Variants in CADM2 observed in about 807,000 individuals in gnomAD.
CADM2 encodes immunoglobulin superfamily member 4D.
A neutral mutation model predicts 49.8 loss-of-function variants in CADM2; 12 were observed. The ratio of observed to expected loss-of-function variants is 0.24; its 90% CI spans 0.15 to 0.39. The LOEUF (loss-of-function observed/expected upper bound fraction) is 0.39. Ranked by LOEUF, CADM2 falls within the 10% of genes least tolerant of loss-of-function variation. CADM2 has a pLI of 1.00. For synonymous variants in CADM2, 214 were observed against 175.4 expected (o/e 1.22, Z -1.74); for missense variants, 378 against 492.3 (o/e 0.77, Z 2.20).
intron 1 of CADM2, among the ~76,000 whole-genome samples, chr3:85,143,576 A>G (rs575474867): frequency 6.6e-6 from 1 of 152,330 alleles, no homozygotes; most frequent in South Asian, 2.1e-4. Flanking sequence ...TGTTTTTGTT[A>G]ATTGTATGCT....
At chr3:85,378,029 CA>C (rs1027309092) in intron 1 of CADM2, among the ~76,000 whole-genome samples, 3 of 151,904 alleles carry the variant, frequency 2.0e-5, no homozygotes, top group Non-Finnish European at 2.9e-5. Context: ...TTTCAGGAAT[CA>C]TTTTTTTTGC....
At chr3:85,607,890 C>CAG (rs2063577034) in intron 1 of CADM2, among the ~76,000 whole-genome samples, 1 of 151,896 alleles carries the variant, frequency 6.6e-6, no homozygotes, top group Admixed American at 6.6e-5. Flanking sequence ...CTCCTGACCT[C>CAG]GTGATCTGCT....
At chr3:85,370,111 G>C (rs893925273) in intron 1 of CADM2, among the ~76,000 whole-genome samples, 4 of 151,614 alleles carry the variant, frequency 2.6e-5, no homozygotes, top group Non-Finnish European at 5.9e-5. Context: ...TACTCAGGAG[G>C]CTGAGGCAGG....
At chr3:85,077,083 CT>C (rs1298437300) in intron 1 of CADM2, among the ~76,000 whole-genome samples, 5 of 152,136 alleles carry the variant, frequency 3.3e-5, no homozygotes, top group African/African-American at 1.2e-4. Flanking sequence ...AAATCTAAGA[CT>C]TTTAATATTG....
chr3:85,156,755 A>C (rs887516216), intron 1 of CADM2, among the ~76,000 whole-genome samples: 25 of 152,336 alleles, frequency 1.6e-4, no homozygotes, highest in Non-Finnish European at 2.6e-4. Flanking sequence ...AAAAACTGGA[A>C]GCATTCCTTT....
chr3:85,295,030 C>G (rs1327878302), intron 1 of CADM2, among the ~76,000 whole-genome samples: 1 of 152,156 alleles, frequency 6.6e-6, no homozygotes, highest in East Asian at 1.9e-4. Context: ...AAAATTTTCA[C>G]AACCTACTCA....
chr3:85,206,361 G>T (rs1272730769), intron 1 of CADM2, among the ~76,000 whole-genome samples: 2 of 145,474 alleles, frequency 1.4e-5, no homozygotes, highest in Non-Finnish European at 3.0e-5. Flanking sequence ...AGGCTGGAGT[G>T]CAGTGGCGCA....
rs962037952 is a variant in CADM2 at position 85,527,389 on chromosome 3, C to G, written c.62-199133C>G. ...AGCCTGGGCGACAGAGCAAGACACT[C>G]TCTCCAAAACAAAGAAAGAAAAAAT... On this transcript the variant is annotated intron_variant, in intron 1 of 9. Transcript: ENST00000383699. Among the ~76,000 whole-genome samples the G allele has an allele frequency of 4.8e-5, 5 of 105,070 alleles. 1 individual carries two copies. The highest frequency in any genetic ancestry group is 1.2e-4 in the Non-Finnish European group (5 of 42,310). 68.9% of individuals were successfully genotyped at this position (105,070 alleles called of 152,430 possible).
chr3:85,157,421 A>T (rs183477599), intron 1 of CADM2, among the ~76,000 whole-genome samples: 1 of 151,930 alleles, frequency 6.6e-6, no homozygotes, highest in African/African-American at 2.4e-5. Context: ...GAGGCATCAC[A>T]CTACCTGACT....
At chr3:85,305,082 A>G (rs1387953770) in intron 1 of CADM2, among the ~76,000 whole-genome samples, 1 of 151,618 alleles carries the variant, frequency 6.6e-6, no homozygotes, top group Non-Finnish European at 1.5e-5. Context: ...TTCTCTATTT[A>G]TATATGTCTT....
chr3:85,497,943 A>T (rs1267755996), intron 1 of CADM2, among the ~76,000 whole-genome samples: 1 of 151,926 alleles, frequency 6.6e-6, no homozygotes, highest in Non-Finnish European at 1.5e-5. Context: ...CATCCTCATT[A>T]TCTGTAGATT....
intron 1 of CADM2, among the ~76,000 whole-genome samples, chr3:85,570,734 C>T (rs2062451271): frequency 6.6e-6 from 1 of 152,122 alleles, no homozygotes; most frequent in Non-Finnish European, 1.5e-5. Context: ...ATTCCAGATT[C>T]TTCTATTACA....
At chr3:85,159,934 T>C (rs2040262457) in intron 1 of CADM2, among the ~76,000 whole-genome samples, 1 of 152,188 alleles carries the variant, frequency 6.6e-6, no homozygotes, top group African/African-American at 2.4e-5. Flanking sequence ...GCAAATTCCT[T>C]TTCAGAAAGC....
intron 1 of CADM2, among the ~76,000 whole-genome samples, chr3:85,130,321 G>A (rs1006540720): frequency 6.6e-6 from 1 of 152,034 alleles, no homozygotes; most frequent in Admixed American, 6.6e-5. Context: ...AGTGCTAAAT[G>A]GCATTATTTT....
At chr3:85,834,077 T>A (rs77119410) in intron 3 of CADM2, among the ~76,000 whole-genome samples, 2 of 151,544 alleles carry the variant, frequency 1.3e-5, no homozygotes, top group Non-Finnish European at 3.0e-5. Flanking sequence ...CTATCAAATC[T>A]CTAATCTATT....
chr3:85,789,896 CTT>C (rs2071225104), intron 2 of CADM2, among the ~76,000 whole-genome samples: 1 of 152,074 alleles, frequency 6.6e-6, no homozygotes, highest in African/African-American at 2.4e-5. Context: ...AAAGAATTGA[CTT>C]TGTACACATA....
intron 1 of CADM2, among the ~76,000 whole-genome samples, chr3:85,367,787 C>A (rs770697968): frequency 4.0e-5 from 6 of 151,474 alleles, no homozygotes; most frequent in Admixed American, 6.6e-5. Flanking sequence ...TGTTCACCAT[C>A]ATCATGTGTT....
chr3:85,634,523 G>A (rs980553175), intron 1 of CADM2, among the ~76,000 whole-genome samples: 49 of 152,030 alleles, frequency 3.2e-4, no homozygotes, highest in African/African-American at 1.2e-3. Context: ...TAATACCTGT[G>A]TAACAAGGTA....
In CADM2 at chr3:85,026,183, A is replaced by G. The variant is rs184654521; in HGVS notation, c.61+66515A>G. On this transcript the variant is annotated intron_variant, in intron 1 of 9. Coordinates refer to ENST00000383699, the MANE Select transcript of CADM2 (RefSeq NM_001167675.2). ...GAATAAGTTTTCATATCAGATAAAA[A>G]TGTCTTTGTGAGTTATACATTGACT... Among the ~76,000 whole-genome samples, 644 of 152,306 alleles carry G rather than the reference A, an allele frequency of 4.2e-3. 1 individual carries two copies. The highest frequency in any genetic ancestry group is 0.014 in the African/African-American group (570 of 41,564).
Sources: allele counts gnomAD v4.1 joint callset (sites outside exome capture counted in the v4.1 genomes callset), GRCh38; gene constraint gnomAD v4.1.1; transcripts MANE v1.5; gene names NCBI Gene and HGNC (gene_info 2026-07-23, HGNC 2026-07-21).